RIT2: variants seen among roughly 807,000 people sequenced by gnomAD.
The protein encoded by RIT2 is Ras like without CAAX 2, also known as GTP-binding protein Rit2.
RIT2 carries 24 observed loss-of-function variants against 23.7 expected under a neutral mutation model. The observed-to-expected ratio is 1.01, with a 90% CI of 0.73 to 1.43. The LOEUF is 1.43. RIT2 is among the 40% of genes most tolerant of loss of function. The pLI is 0.00. For missense variants in RIT2, 236 were observed against 266.9 expected (o/e 0.88, Z 0.81); for synonymous variants, 107 against 91.1 (o/e 1.17, Z -0.99).
chr18:42,930,373 TA>T lies in RIT2; in HGVS notation c.235-6611del, dbSNP rs34081430. ...GAAATCCTTGAATGAGAGGTCACAA[TA>T]AAAAAAAATGAAGAGAAAAGAATTA... On this transcript the variant is annotated intron_variant, in intron 3 of 4. Coordinates refer to ENST00000326695, the MANE Select transcript of RIT2 (RefSeq NM_002930.4). 2.8e-3 allele frequency among the ~76,000 whole-genome samples: 410 copies of T among 146,696 alleles called. 2 individuals carry two copies. Among genetic ancestry groups the T allele is most frequent in the Non-Finnish European group, 2.9e-3 (192 of 66,158 alleles).
At position 43,015,674 on chromosome 18, in the gene RIT2, T is replaced by C. The variant is rs115192547; in HGVS notation, c.160+18137A>G. On this transcript the variant is annotated intron_variant, in intron 2 of 4. Transcript: ENST00000326695. ...AAGCCTTGAAAAATACCTAGATTTA[T>C]TGATCAGATATCCCAGAATGAGTTT... Among the ~76,000 whole-genome samples, 736 of 151,794 alleles carry C rather than the reference T, an allele frequency of 4.8e-3. 6 individuals are homozygous for C. The highest frequency in any genetic ancestry group is 0.017 in the African/African-American group (698 of 41,502).
intron 4 of RIT2, among the ~76,000 whole-genome samples, chr18:42,808,443 T>TC: frequency 2.0e-5 from 3 of 152,310 alleles, no homozygotes; most frequent in East Asian, 3.9e-4. Context: ...AAAGGGAAGA[T>TC]CCACAGTTCT....
intron 2 of RIT2, among the ~76,000 whole-genome samples, chr18:42,990,741 A>G (rs1353441198): frequency 6.6e-6 from 1 of 152,178 alleles, no homozygotes; most frequent in East Asian, 1.9e-4. Context: ...TTCAGTTGTG[A>G]TGCTTATTTA....
At chr18:42,749,416 C>G (rs1004373735) in intron 4 of RIT2, among the ~76,000 whole-genome samples, 1 of 151,228 alleles carries the variant, frequency 6.6e-6, no homozygotes, top group Non-Finnish European at 1.5e-5. Context: ...CAAAAAGTAA[C>G]CAGAAAGCTC....
At chr18:43,114,075 A>G (rs1256365815) in intron 1 of RIT2, among the ~76,000 whole-genome samples, 1 of 151,992 alleles carries the variant, frequency 6.6e-6, no homozygotes, top group African/African-American at 2.4e-5. Context: ...TTCCTTCTCA[A>G]ATCATTATAT....
chr18:42,936,440 T>G (rs569953), intron 3 of RIT2, among the ~76,000 whole-genome samples: 132,949 of 152,094 alleles, frequency 0.87, 58,509 homozygotes, highest in East Asian at 1. Flanking sequence ...ACAGAAAAGT[T>G]CAAGAGATTG....
chr18:43,032,522 C>A (rs932682498), intron 2 of RIT2, among the ~76,000 whole-genome samples: 4 of 151,958 alleles, frequency 2.6e-5, no homozygotes, highest in Admixed American at 2.0e-4. Flanking sequence ...GTGTGTGGTA[C>A]AAAGCTATTG....
chr18:43,015,784 C>T (rs1261255142), intron 2 of RIT2, among the ~76,000 whole-genome samples: 1 of 151,628 alleles, frequency 6.6e-6, no homozygotes, highest in Admixed American at 6.6e-5. Flanking sequence ...GAAAAGAATG[C>T]TTCCCCCAAA....
At chr18:42,765,467 T>C (rs889201196) in intron 4 of RIT2, among the ~76,000 whole-genome samples, 4 of 152,108 alleles carry the variant, frequency 2.6e-5, no homozygotes, top group African/African-American at 9.7e-5. Context: ...AAGTTACAAG[T>C]GAGATTAAAA....
chr18:42,787,435 G>GA (rs57497009), intron 4 of RIT2, among the ~76,000 whole-genome samples: 47,054 of 150,156 alleles, frequency 0.31, 9,790 homozygotes, highest in African/African-American at 0.59. Flanking sequence ...TTTAAAAAAA[G>GA]AAAAAAAAAG....
chr18:42,883,607 G>A (rs777238431), intron 4 of RIT2, among the ~76,000 whole-genome samples: 30 of 151,970 alleles, frequency 2.0e-4, no homozygotes, highest in Admixed American at 3.9e-4. Context: ...ACGCCCCCAC[G>A]CTATTTTCAG....
chr18:43,092,439 C>G (rs1181615950), intron 1 of RIT2, among the ~76,000 whole-genome samples: 3 of 152,030 alleles, frequency 2.0e-5, no homozygotes, highest in African/African-American at 7.2e-5. Flanking sequence ...TCCCTAAAAT[C>G]TATTTAACTA....
intron 3 of RIT2, among the ~76,000 whole-genome samples, chr18:42,969,401 A>G (rs1312142331): frequency 6.6e-6 from 1 of 152,188 alleles, no homozygotes; most frequent in Non-Finnish European, 1.5e-5. Context: ...GAGAAGAATT[A>G]TATAAAAATT....
At chr18:42,994,574 AC>A (rs1910933422) in intron 2 of RIT2, among the ~76,000 whole-genome samples, 1 of 151,710 alleles carries the variant, frequency 6.6e-6, no homozygotes, top group African/African-American at 2.4e-5. Flanking sequence ...GACTGCCCCC[AC>A]CCTAGCTCTC....
chr18:42,790,420 C>T (rs965030986), intron 4 of RIT2, among the ~76,000 whole-genome samples: 5 of 152,226 alleles, frequency 3.3e-5, no homozygotes, highest in African/African-American at 7.2e-5. Context: ...CCTACTTACA[C>T]GAAAATACCT....
chr18:42,876,348 CT>C (rs200902270), intron 4 of RIT2, among the ~76,000 whole-genome samples: 22,452 of 139,698 alleles, frequency 0.16, 1,692 homozygotes, highest in Middle Eastern at 0.26. Context: ...GTGCCTGAAA[CT>C]TTTTTTTTTT....
At position 42,899,490 on chromosome 18, in the gene RIT2, T is replaced by C. The variant is rs143103101; in HGVS notation, c.426+24082A>G. The stretch of plus-strand genomic sequence containing the variant: ...TTCATTTGTCCATTAACTCACTGTA[T>C]CTGAAACAGCTTTTCTCTAGTAGCT... On this transcript the variant is annotated intron_variant, in intron 4 of 4. Transcript: ENST00000326695. Among the ~76,000 whole-genome samples the C allele has an allele frequency of 2.7e-4, 41 of 152,038 alleles. 1 individual carries two copies. Among genetic ancestry groups the C allele is most frequent in the South Asian group, 2.5e-3 (12 of 4,812 alleles).
intron 1 of RIT2, among the ~76,000 whole-genome samples, chr18:43,079,036 T>C (rs973550255): frequency 1.3e-5 from 2 of 152,194 alleles, no homozygotes; most frequent in Admixed American, 6.5e-5. Context: ...AGCACTTTTT[T>C]TCTTGGGCAA....
At chr18:43,050,461 C>G (rs1384191905) in intron 1 of RIT2, among the ~76,000 whole-genome samples, 2 of 152,098 alleles carry the variant, frequency 1.3e-5, no homozygotes, top group Admixed American at 6.6e-5. Flanking sequence ...GAAGGCTGCA[C>G]AGAAGACTCC....
Sources: gnomAD v4.1 joint callset for allele counts (sites outside exome capture counted in the v4.1 genomes callset) on GRCh38, gnomAD v4.1.1 for gene constraint, MANE v1.5 for transcripts, NCBI Gene and HGNC (gene_info 2026-07-23, HGNC 2026-07-21) for gene names.